The following MPDZ variants were observed in gnomAD, a reference collection of about 807,000 sequenced individuals.
MPDZ encodes multiple PDZ domain crumbs cell polarity complex component.
In MPDZ, 234 loss-of-function variants were observed where a neutral mutation model predicts 239.1. The observed-to-expected ratio is 0.98, with a 90% CI of 0.88 to 1.09. The LOEUF (loss-of-function observed/expected upper bound fraction) is 1.09. MPDZ is among the 50% of genes least tolerant of loss of function. The pLI is 0.00. For missense variants in MPDZ, 3,175 were observed against 2,510.0 expected (o/e 1.26, Z -5.66); for synonymous variants, 1,048 against 881.3 (o/e 1.19, Z -3.35).
chr9:13,136,279 C>A, intron 30 of MPDZ, 97 bp from the exon 31 acceptor site: 1 of 649,764 alleles, frequency 1.5e-6, no homozygotes, highest in East Asian at 3.3e-5. Flanking sequence ...AATTATTTAA[C>A]CCCCAAAACC....
chr9:13,211,843 A>C (rs893467957), intron 10 of MPDZ, among the ~76,000 whole-genome samples: 36 of 152,124 alleles, frequency 2.4e-4, no homozygotes, highest in Admixed American at 6.6e-4. Flanking sequence ...CTAAATTTTA[A>C]ACCATAAACT....
chr9:13,113,040 G>A lies in MPDZ; in HGVS notation c.5572C>T (p.Gln1858Ter). ...TTCATTTCGACTGTTCTTAATCCCT[G>A]TATTTCAGATGCCACTGTAAAGGCA... The part of the protein sequence containing the change: ...SKKNALASEI[Q>*]GLRTVEMKKG... The change falls in exon 42 of 47, where the codon CAG becomes TAG. Residue 1858 changes from glutamine (Q) to a stop codon, truncating the protein, a stop_gained. Transcript: ENST00000319217. LOFTEE classifies it high-confidence loss of function. 6.3e-7 allele frequency: 1 copy of A among 1,584,416 alleles called. No homozygotes were observed. Among genetic ancestry groups the A allele is most frequent in the East Asian group, 2.3e-5 (1 of 44,256 alleles).
chr9:13,222,802 T>A (rs1959201131), intron 5 of MPDZ, among the ~76,000 whole-genome samples: 1 of 151,828 alleles, frequency 6.6e-6, no homozygotes, highest in Admixed American at 6.6e-5. Flanking sequence ...ATAGATTAGA[T>A]CCCCAACTGG....
chr9:13,178,443 A>G (rs564189108), intron 19 of MPDZ, among the ~76,000 whole-genome samples: 1 of 152,194 alleles, frequency 6.6e-6, no homozygotes, highest in African/African-American at 2.4e-5. Flanking sequence ...AGGATAAGCC[A>G]TTTGTATTTC....
chr9:13,227,035 T>A (rs919440170), intron 3 of MPDZ, among the ~76,000 whole-genome samples: 2 of 152,060 alleles, frequency 1.3e-5, no homozygotes, highest in African/African-American at 4.8e-5. Context: ...AAACATACAG[T>A]CCTTGTATTA....
intron 24 of MPDZ, among the ~76,000 whole-genome samples, chr9:13,156,978 A>T (rs1949907252): frequency 6.6e-6 from 1 of 152,188 alleles, no homozygotes; most frequent in Non-Finnish European, 1.5e-5. Context: ...AAATTCAAAT[A>T]AGAAATTCAT....
At chr9:13,195,346 T>C (rs866796598) in intron 13 of MPDZ, among the ~76,000 whole-genome samples, 2 of 152,030 alleles carry the variant, frequency 1.3e-5, no homozygotes, top group Non-Finnish European at 2.9e-5. Flanking sequence ...AATGAAATAC[T>C]AAGAACACTA....
intron 3 of MPDZ, among the ~76,000 whole-genome samples, chr9:13,230,478 G>C (rs553228087): frequency 6.6e-6 from 1 of 152,182 alleles, no homozygotes; most frequent in African/African-American, 2.4e-5. Flanking sequence ...GCAACTTCAA[G>C]ATATCAAGGG....
rs544272098 is a variant in MPDZ at position 13,113,007 on chromosome 9, T to A, written c.5601+4A>T. 22 of 1,582,732 alleles carry A rather than the reference T, an allele frequency of 1.4e-5. No individual in the cohort carries two copies. The South Asian group carries it at 2.0e-4, about 14-fold the overall frequency. On this transcript the variant is annotated splice_donor_region_variant and intron_variant, in intron 42 of 46. Transcript: ENST00000319217. ...GTTTATATTGTTTTCTCTCCCCAAG[T>A]TACCTTTTTCATTTCGACTGTTCTT...
Position 13,224,540 on chromosome 9 carries a change from T to C in MPDZ, c.227A>G (p.His76Arg), listed in dbSNP as rs950407477. 1.9e-6 allele frequency: 3 copies of C among 1,612,336 alleles called. No homozygotes were observed. Among genetic ancestry groups the C allele is most frequent in the African/African-American group, 1.3e-5 (1 of 74,846 alleles). The stretch of plus-strand genomic sequence containing the variant: ...CACAGCTGGGCTGAGATGAGGAACG[T>C]GGGCATATTCAATATTTGAAGTTGC... ...TSATSNIEYA[H>R]VPHLSPAVIP... Residue 76 changes from histidine to arginine, a missense_variant, in exon 4 of 47, where the codon CAC (histidine) becomes CGC (arginine). Transcript: ENST00000319217.
chr9:13,202,247 G>C (rs1956470759), intron 12 of MPDZ, among the ~76,000 whole-genome samples: 1 of 152,044 alleles, frequency 6.6e-6, no homozygotes, highest in African/African-American at 2.4e-5. Flanking sequence ...TTTCCTCTAG[G>C]GTAGGCTTAC....
chr9:13,114,125 C>A (rs577396990), intron 40 of MPDZ, 104 bp from the exon 41 acceptor site: 23 of 880,386 alleles, frequency 2.6e-5, no homozygotes, highest in Non-Finnish European at 4.0e-5. Flanking sequence ...TGTTAAGCAA[C>A]AGTGGCATTT....
chr9:13,117,662 TAACACTTC>T (rs1264968747), intron 39 of MPDZ, among the ~76,000 whole-genome samples: 1 of 152,132 alleles, frequency 6.6e-6, no homozygotes, highest in Middle Eastern at 3.2e-3. Context: ...CTATTACAAA[TAACACTTC>T]AATGAACTCT....
chr9:13,113,217 G>C (rs1280578666), intron 41 of MPDZ, among the ~76,000 whole-genome samples, 163 bp from the exon 42 acceptor site: 1 of 152,000 alleles, frequency 6.6e-6, no homozygotes, highest in Non-Finnish European at 1.5e-5. Flanking sequence ...GTCTTACACA[G>C]AACTATTTAT....
At chr9:13,208,095 C>T (rs980894382) in intron 10 of MPDZ, among the ~76,000 whole-genome samples, 10 of 152,166 alleles carry the variant, frequency 6.6e-5, no homozygotes, top group Admixed American at 6.5e-4. Context: ...ATTTTATAAT[C>T]TAAATCTTGT....
At chr9:13,263,234 T>G (rs1168659888) in intron 1 of MPDZ, among the ~76,000 whole-genome samples, 1 of 152,148 alleles carries the variant, frequency 6.6e-6, no homozygotes, top group African/African-American at 2.4e-5. Context: ...GATGGATATA[T>G]GAGGATTCAC....
chr9:13,193,442 T>A, intron 13 of MPDZ, 129 bp from the exon 14 acceptor site: 1 of 1,014,798 alleles, frequency 9.9e-7, no homozygotes, highest in Non-Finnish European at 1.4e-6. Flanking sequence ...AACCATATTG[T>A]AAAACTGCAA....
chr9:13,151,665 T>C (rs1333227075), intron 24 of MPDZ, among the ~76,000 whole-genome samples: 1 of 152,078 alleles, frequency 6.6e-6, no homozygotes, highest in African/African-American at 2.4e-5. Flanking sequence ...TATTGCTTAA[T>C]GGGTATGGAA....
intron 3 of MPDZ, among the ~76,000 whole-genome samples, chr9:13,227,375 G>C (rs1960957107): frequency 6.6e-6 from 1 of 151,844 alleles, no homozygotes; most frequent in Non-Finnish European, 1.5e-5. Context: ...TGCCAAGATT[G>C]ATTTTTTTTT....
Sources: gnomAD v4.1 joint callset for allele counts (sites outside exome capture counted in the v4.1 genomes callset) on GRCh38, gnomAD v4.1.1 for gene constraint, MANE v1.5 for transcripts, NCBI Gene and HGNC (gene_info 2026-07-23, HGNC 2026-07-21) for gene names.